EFEMP1: variants seen among roughly 807,000 people sequenced by gnomAD.
EFEMP1 encodes the protein EGF-containing fibulin-like extracellular matrix protein 1.
EFEMP1 carries 18 observed loss-of-function variants against 65.7 expected under a neutral mutation model. The observed-to-expected ratio is 0.27, with a 90% CI of 0.19 to 0.41. The LOEUF (loss-of-function observed/expected upper bound fraction) is 0.41. EFEMP1 is among the 10% of genes least tolerant of loss of function. The pLI is 1.00. For synonymous variants in EFEMP1, 237 were observed against 219.7 expected (o/e 1.08, Z -0.70); for missense variants, 469 against 624.8 (o/e 0.75, Z 2.66).
In EFEMP1 at chr2:55,871,256, G is replaced by C; in HGVS notation, c.1001-133C>G. On this transcript the variant is annotated intron_variant, in intron 9 of 11. Coordinates refer to ENST00000355426, the MANE Select transcript of EFEMP1 (RefSeq NM_001039348.3). The surrounding 1 kb of genome is among the most constrained non-coding windows in gnomAD (Gnocchi z 4.2). Reference sequence around the variant, plus strand: ...CTGGACTGTGTTCAACCTGCTTTTAGACACAAGACTGGGTGTTCATTGTAT... The same window carrying C: ...CTGGACTGTGTTCAACCTGCTTTTACACACAAGACTGGGTGTTCATTGTAT... 9.1e-6 allele frequency: 11 copies of C among 1,214,980 alleles called. No homozygotes were observed. The highest frequency in any genetic ancestry group is 1.3e-5 in the Non-Finnish European group (11 of 844,338). 75.3% of individuals were successfully genotyped at this position (1,214,980 alleles called of 1,614,324 possible).
Position 55,875,042 on chromosome 2 carries a change from T to C in EFEMP1, c.904A>G (p.Ser302Gly). 6.2e-7 allele frequency: 1 copy of C among 1,605,660 alleles called. No individual in the cohort carries two copies. The highest frequency in any genetic ancestry group is 8.5e-7 in the Non-Finnish European group (1 of 1,175,202). The change falls in exon 9 of 12, where the codon AGC (serine) becomes GGC (glycine). Residue 302 changes from serine to glycine, a missense_variant. This residue lies in a region of EFEMP1 where 399 missense variants were observed against 528.2 expected (regional missense o/e 0.76). Transcript: ENST00000355426. Reference protein sequence around the residue: ...CEDIDECRTSSYLCQYQCVNE... With the variant: ...CEDIDECRTSGYLCQYQCVNE... ...ACACATTGATATTGACACAGGTAGC[T>C]TGAGGTTCTGCATTCATCAATGTCT...
At chr2:55,869,561 C>T (rs1668720228) in intron 11 of EFEMP1, among the ~76,000 whole-genome samples, 2 of 152,176 alleles carry the variant, frequency 1.3e-5, no homozygotes, top group Admixed American at 1.3e-4. Context: ...AATAATATCA[C>T]ATAACTCTGG....
chr2:55,923,772 C>G lies in EFEMP1; in HGVS notation c.-110G>C, dbSNP rs970342192. On this transcript the variant is annotated 5_prime_UTR_variant, in exon 1 of 12. Coordinates refer to ENST00000355426, the MANE Select transcript of EFEMP1 (RefSeq NM_001039348.3). This position sits in a 1 kb window ranked among gnomAD's most constrained non-coding sequence, Gnocchi z 5.3. ...AGGGGAGTGCGCAGGGGAGGGCAGC[C>G]CCGTGGGTCTGATCTGGCGAAGTCC... The G allele has an allele frequency of 1.0e-6, 1 of 986,072 alleles. No homozygotes were observed. Among genetic ancestry groups the G allele is most frequent in the African/African-American group, 1.7e-5 (1 of 57,230 alleles). The allele number at this position is 986,072 out of a possible 1,614,324, so 61.1% of individuals were successfully genotyped here. A position where few individuals can be genotyped will look rare whatever the true frequency, so the allele number is the denominator to read the frequency against.
chr2:55,918,330 A>T (rs1307542145), intron 3 of EFEMP1, 63 bp from the exon 4 acceptor site: 2 of 1,570,390 alleles, frequency 1.3e-6, no homozygotes, highest in Non-Finnish European at 1.8e-6. Context: ...ATTCCCTAAG[A>T]AATCACTCTA....
rs1033580436 is a variant in EFEMP1 at position 55,919,073 on chromosome 2, G to A, written c.82-806C>T. Reference sequence around the variant, plus strand: ...GCAGAAGGGAAGACTTGACAGAGGAGGTGACAGTAAATCAGGCTTTACAGG... The same window carrying A: ...GCAGAAGGGAAGACTTGACAGAGGAAGTGACAGTAAATCAGGCTTTACAGG... On this transcript the variant is annotated intron_variant, in intron 3 of 11. Coordinates refer to ENST00000355426, the MANE Select transcript of EFEMP1 (RefSeq NM_001039348.3). This position sits in a 1 kb window ranked among gnomAD's most constrained non-coding sequence, Gnocchi z 4.5. 1.1e-4 allele frequency among the ~76,000 whole-genome samples: 17 copies of A among 152,210 alleles called. No homozygotes were observed. The highest frequency in any genetic ancestry group is 6.5e-5 in the Admixed American group (1 of 15,288).
intron 5 of EFEMP1, among the ~76,000 whole-genome samples, chr2:55,896,884 C>T (rs1360831353): frequency 6.6e-6 from 1 of 152,200 alleles, no homozygotes; most frequent in Non-Finnish European, 1.5e-5. Context: ...ACATGACTGG[C>T]AAGGCCCTTC....
At position 55,917,368 on chromosome 2, in the gene EFEMP1, T is replaced by C. The variant is rs1670736340; in HGVS notation, c.517+297A>G. 6.6e-6 allele frequency among the ~76,000 whole-genome samples: 1 copy of C among 152,156 alleles called. No individual in the cohort carries two copies. On this transcript the variant is annotated intron_variant, in intron 5 of 11. Transcript: ENST00000355426. This position sits in a 1 kb window ranked among gnomAD's most constrained non-coding sequence, Gnocchi z 6.3. ...CTCAGAGACTGTGATTTAACTGGGC[T>C]GGGGTGTAGCTTCGCCATCGAGAAG... is the stretch of plus-strand genomic sequence containing the variant.
intron 5 of EFEMP1, among the ~76,000 whole-genome samples, chr2:55,911,340 A>C (rs112915843): frequency 0.017 from 2,645 of 152,172 alleles, 63 homozygotes; most frequent in African/African-American, 0.058. Context: ...TGCTTCCCAT[A>C]TCCCATGTGA....
rs1670906745 is a variant in EFEMP1 at position 55,921,561 on chromosome 2, A to G, written c.81+799T>C. ...CCTAACACTGATTAAAGACAAGAAA[A>G]CACAGAACAGAGGTGCAAACAAACT... is the stretch of plus-strand genomic sequence containing the variant. On this transcript the variant is annotated intron_variant, in intron 3 of 11. Transcript: ENST00000355426. This position sits in a 1 kb window ranked among gnomAD's most constrained non-coding sequence, Gnocchi z 4.1. 6.6e-6 allele frequency among the ~76,000 whole-genome samples: 1 copy of G among 152,246 alleles called. No individual in the cohort carries two copies. The highest frequency in any genetic ancestry group is 2.4e-5 in the African/African-American group (1 of 41,466).
At chr2:55,907,911 C>T (rs1007703452) in intron 5 of EFEMP1, among the ~76,000 whole-genome samples, 36 of 152,336 alleles carry the variant, frequency 2.4e-4, no homozygotes, top group African/African-American at 6.7e-4. Flanking sequence ...TTTAACTAGG[C>T]ACACATAAAA....
At chr2:55,899,049 G>C (rs1669938789) in intron 5 of EFEMP1, among the ~76,000 whole-genome samples, 1 of 152,184 alleles carries the variant, frequency 6.6e-6, no homozygotes, top group Non-Finnish European at 1.5e-5. Flanking sequence ...ACCAAAGCCT[G>C]TCCTGTTCTT....
chr2:55,873,066 C>CCACACACACACACACACACACACA lies in EFEMP1; in HGVS notation c.1000+1856_1000+1879dup, dbSNP rs58841515. On this transcript the variant is annotated intron_variant, in intron 9 of 11. Transcript: ENST00000355426. This position sits in a 1 kb window ranked among gnomAD's most constrained non-coding sequence, Gnocchi z 4.6. Reference sequence around the variant, plus strand: ...TTCTTTTGTCTCTCTGTCTCTCTCTCCACACACACACACACACACACACAC... The same window carrying CCACACACACACACACACACACACA: ...TTCTTTTGTCTCTCTGTCTCTCTCTCCACACACACACACACACACACACACACACACACACACACACACACACAC... Among the ~76,000 whole-genome samples the CCACACACACACACACACACACACA allele has an allele frequency of 6.7e-4, 97 of 145,394 alleles. No individual in the cohort carries two copies. Among genetic ancestry groups the CCACACACACACACACACACACACA allele is most frequent in the African/African-American group, 1.9e-3 (75 of 39,386 alleles).
intron 6 of EFEMP1, among the ~76,000 whole-genome samples, chr2:55,880,205 G>A (rs1413412023): frequency 2.6e-5 from 4 of 152,194 alleles, no homozygotes; most frequent in South Asian, 4.1e-4. Flanking sequence ...ATGCTCTGTC[G>A]AGGAATGTAG....
At chr2:55,920,922 A>G (rs1670888936) in intron 3 of EFEMP1, among the ~76,000 whole-genome samples, 2 of 152,374 alleles carry the variant, frequency 1.3e-5, no homozygotes, top group East Asian at 3.9e-4. Flanking sequence ...ATCTTAGCAC[A>G]AAAGGGTAAC....
In EFEMP1 at chr2:55,867,229, T is replaced by C. The variant is rs780466116; in HGVS notation, c.1326A>G (p.Thr442=). 6.2e-7 allele frequency: 1 copy of C among 1,613,794 alleles called. No homozygotes were observed. Among genetic ancestry groups the C allele is most frequent in the South Asian group, 1.1e-5 (1 of 91,058 alleles). ...NENGEFYLRQ[T]SPVSAMLVLV... is the part of the protein sequence containing the mutation. Reference sequence around the variant, plus strand: ...GCACAAGCATTGCACTTACAGGACTTGTTTGCTAAAATAAAAGAAAATAGA... The same window carrying C: ...GCACAAGCATTGCACTTACAGGACTCGTTTGCTAAAATAAAAGAAAATAGA... The change falls in exon 12 of 12, where the codon ACA becomes ACG. Residue 442 remains threonine, a synonymous_variant. Coordinates refer to ENST00000355426, the MANE Select transcript of EFEMP1 (RefSeq NM_001039348.3). The surrounding 1 kb of genome is among the most constrained non-coding windows in gnomAD (Gnocchi z 4.3).
chr2:55,894,246 A>T (rs757115382), intron 5 of EFEMP1, among the ~76,000 whole-genome samples: 48 of 152,252 alleles, frequency 3.2e-4, no homozygotes, highest in Non-Finnish European at 6.9e-4. Flanking sequence ...TGAAAAAGAT[A>T]TGAAAAATGT....
chr2:55,905,094 T>C (rs1353923290), intron 5 of EFEMP1, among the ~76,000 whole-genome samples: 4 of 151,640 alleles, frequency 2.6e-5, no homozygotes, highest in African/African-American at 7.3e-5. Flanking sequence ...TGGTATGAAT[T>C]TGAACCTGCA....
chr2:55,879,006 C>A (rs62164480), intron 6 of EFEMP1, among the ~76,000 whole-genome samples: 1 of 152,168 alleles, frequency 6.6e-6, no homozygotes, highest in Non-Finnish European at 1.5e-5. Context: ...GGTGTCCATT[C>A]AAATGTCACC....
chr2:55,876,766 ATATATG>A (rs1325969465), intron 7 of EFEMP1, 24 bp from the exon 8 acceptor site: 2 of 1,389,136 alleles, frequency 1.4e-6, no homozygotes, highest in African/African-American at 1.4e-5. Context: ...TTATATATAT[ATATATG>A]TATATGTATA....
Sources: allele counts gnomAD v4.1 joint callset (sites outside exome capture counted in the v4.1 genomes callset), GRCh38; gene constraint gnomAD v4.1.1; regional missense constraint gnomAD v4.1.1; non-coding constraint Gnocchi (gnomAD v3.1); transcripts MANE v1.5; gene names NCBI Gene and HGNC (gene_info 2026-07-23, HGNC 2026-07-21).